The following DLG2 variants were observed in gnomAD, a reference collection of about 807,000 sequenced individuals.
The protein encoded by DLG2 is discs large MAGUK scaffold protein 2, also known as disks large homolog 2.
Under a neutral mutation model 132.5 loss-of-function variants are expected in DLG2, and 45 were observed. The ratio of observed to expected loss-of-function variants is 0.34; its 90% CI spans 0.27 to 0.44. The LOEUF (loss-of-function observed/expected upper bound fraction) is 0.44, where lower values mean the gene tolerates loss of function less well. DLG2 is among the 20% of genes least tolerant of loss of function. DLG2 has a pLI of 1.00. For missense variants in DLG2, 1,045 were observed against 1,196.9 expected (o/e 0.87, Z 1.87); for synonymous variants, 424 against 419.6 (o/e 1.01, Z -0.13).
intron 19 of DLG2, among the ~76,000 whole-genome samples, chr11:83,620,874 A>AC (rs2061529655): frequency 1.3e-5 from 2 of 149,452 alleles, no homozygotes; most frequent in Non-Finnish European, 3.0e-5. Flanking sequence ...CGTCTCAAAA[A>AC]AAAAAAAAAA....
intron 6 of DLG2, among the ~76,000 whole-genome samples, chr11:84,912,991 G>C (rs183391378): frequency 8.5e-5 from 13 of 152,252 alleles, no homozygotes; most frequent in African/African-American, 3.1e-4. Context: ...TGTTTCCCGG[G>C]GCAACACAGT....
intron 18 of DLG2, among the ~76,000 whole-genome samples, chr11:83,683,877 A>G (rs116951932): frequency 0.012 from 1,834 of 152,236 alleles, 20 homozygotes; most frequent in Admixed American, 0.037. Context: ...TGGGCTTTCT[A>G]TAAGAGAATG....
chr11:84,412,908 G>T (rs1384208733), intron 7 of DLG2, among the ~76,000 whole-genome samples: 2 of 152,100 alleles, frequency 1.3e-5, no homozygotes, highest in African/African-American at 4.8e-5. Context: ...GATTCCTCCA[G>T]TTATTATCTG....
intron 7 of DLG2, among the ~76,000 whole-genome samples, chr11:84,502,203 C>T (rs202180142): frequency 0.21 from 1,352 of 6,450 alleles, 327 homozygotes; most frequent in Middle Eastern, 0.5. Context: ...TCTCTCTCTC[C>T]TTCCTTCCTT....
rs1273902434 is a variant in DLG2, at chr11:83,526,513, T to A, written c.2193+6195A>T. 8.5e-5 allele frequency among the ~76,000 whole-genome samples: 13 copies of A among 152,126 alleles called. No homozygotes were observed. In the East Asian group the frequency reaches 2.3e-3, roughly 27 times the overall value. ...GGGCATACAGATGAGTAGATTCAGA[T>A]CTTTGCCTAGAAGGACCTCATAATG... is the stretch of plus-strand genomic sequence containing the variant. On this transcript the variant is annotated intron_variant, in intron 21 of 27. Coordinates refer to ENST00000376104, the MANE Select transcript of DLG2 (RefSeq NM_001142699.3).
At chr11:84,213,836 A>G (rs1225017867) in intron 8 of DLG2, among the ~76,000 whole-genome samples, 6 of 139,122 alleles carry the variant, frequency 4.3e-5, no homozygotes, top group Admixed American at 6.9e-5. Context: ...AAAAAAAAAA[A>G]GAAAAAAAAA....
intron 11 of DLG2, among the ~76,000 whole-genome samples, chr11:84,057,085 T>G (rs1185315845): frequency 6.6e-6 from 1 of 152,086 alleles, no homozygotes; most frequent in Non-Finnish European, 1.5e-5. Flanking sequence ...TACTCACTTC[T>G]CCCCATTTCC....
At chr11:84,761,583 G>A (rs528986545) in intron 6 of DLG2, among the ~76,000 whole-genome samples, 1 of 152,306 alleles carries the variant, frequency 6.6e-6, no homozygotes, top group Non-Finnish European at 1.5e-5. Context: ...GACTAACTAA[G>A]TCTTCTGGCC....
intron 11 of DLG2, among the ~76,000 whole-genome samples, chr11:84,003,570 G>A (rs1369009075): frequency 1.3e-5 from 2 of 152,128 alleles, no homozygotes; most frequent in Non-Finnish European, 2.9e-5. Context: ...GCAGGAAGCA[G>A]TGCCAAGGGA....
intron 11 of DLG2, among the ~76,000 whole-genome samples, chr11:84,043,602 G>A (rs1427964035): frequency 1.3e-5 from 2 of 151,682 alleles, no homozygotes; most frequent in Admixed American, 6.6e-5. Flanking sequence ...TTTTTTGAAT[G>A]CTTGACTAAA....
intron 7 of DLG2, among the ~76,000 whole-genome samples, chr11:84,532,353 TA>T (rs2154520335): frequency 6.6e-6 from 1 of 152,260 alleles, no homozygotes; most frequent in South Asian, 2.1e-4. Flanking sequence ...ATCACCATAT[TA>T]TCAATTCTAG....
At chr11:84,945,736 A>T (rs1053990784) in intron 6 of DLG2, among the ~76,000 whole-genome samples, 3 of 152,118 alleles carry the variant, frequency 2.0e-5, no homozygotes, top group African/African-American at 7.2e-5. Flanking sequence ...AAGAGGAAAC[A>T]CAAGTGCTTC....
intron 9 of DLG2, among the ~76,000 whole-genome samples, chr11:84,125,640 A>G (rs758837978): frequency 3.9e-5 from 6 of 152,194 alleles, no homozygotes; most frequent in Non-Finnish European, 7.3e-5. Flanking sequence ...AGCTGTCAAT[A>G]AGAAACCCAG....
At chr11:84,891,445 A>G (rs1476836348) in intron 6 of DLG2, among the ~76,000 whole-genome samples, 2 of 152,192 alleles carry the variant, frequency 1.3e-5, no homozygotes, top group Non-Finnish European at 2.9e-5. Context: ...ATACAAAGTA[A>G]TGGTAAAGGA....
At chr11:84,882,042 G>A (rs1198369895) in intron 6 of DLG2, among the ~76,000 whole-genome samples, 1 of 152,044 alleles carries the variant, frequency 6.6e-6, no homozygotes, top group African/African-American at 2.4e-5. Flanking sequence ...TTGCTAATAG[G>A]ATGCTGGTCA....
chr11:84,465,899 C>A (rs368334898), intron 7 of DLG2, among the ~76,000 whole-genome samples: 2 of 151,062 alleles, frequency 1.3e-5, no homozygotes, highest in East Asian at 3.9e-4. Context: ...TTTTAGCAAA[C>A]CATTTATCTC....
At chr11:84,388,412 A>G (rs903885527) in intron 7 of DLG2, among the ~76,000 whole-genome samples, 4 of 152,118 alleles carry the variant, frequency 2.6e-5, no homozygotes, top group Admixed American at 1.3e-4. Flanking sequence ...AGAACCTCCC[A>G]CTAGTCTTTG....
chr11:83,653,039 T>C (rs1375187981), intron 18 of DLG2, among the ~76,000 whole-genome samples: 3 of 152,176 alleles, frequency 2.0e-5, no homozygotes, highest in Non-Finnish European at 2.9e-5. Context: ...CTAGAAAATG[T>C]TGGTGGCAGA....
chr11:84,408,745 C>G (rs2098876424), intron 7 of DLG2, among the ~76,000 whole-genome samples: 1 of 152,158 alleles, frequency 6.6e-6, no homozygotes, highest in Non-Finnish European at 1.5e-5. Flanking sequence ...GAGGGTCACC[C>G]TGTAGGCCAC....
Sources: allele counts gnomAD v4.1 joint callset (sites outside exome capture counted in the v4.1 genomes callset), GRCh38; gene constraint gnomAD v4.1.1; transcripts MANE v1.5; gene names NCBI Gene and HGNC (gene_info 2026-07-23, HGNC 2026-07-21).